The following PYGO1 variants were observed in gnomAD, a reference collection of about 807,000 sequenced individuals.
PYGO1 encodes the protein pygopus family PHD finger 1.
A neutral mutation model predicts 29.5 loss-of-function variants in PYGO1; 6 were observed. The observed-to-expected ratio is 0.20, with a 90% confidence interval of 0.11 to 0.40. The LOEUF (loss-of-function observed/expected upper bound fraction) is 0.40. Among genes scored for constraint, PYGO1 ranks in the 10% least tolerant of loss-of-function variants. The pLI, the probability that PYGO1 is intolerant of heterozygous loss-of-function variation, is 1.00. For missense variants in PYGO1, 515 were observed against 514.9 expected, an observed-to-expected ratio of 1.00 and a Z score of 0.00; for synonymous variants, 186 against 180.5, an observed-to-expected ratio of 1.03 and a Z score of -0.24.
At chr15:55,567,921 G>C (rs970673698) in intron 1 of PYGO1, among the ~76,000 whole-genome samples, 2 of 152,018 alleles carry the variant, frequency 1.3e-5, no homozygotes, top group South Asian at 4.2e-4. Flanking sequence ...TTTATTTCTA[G>C]GTTCTCCATT....
chr15:55,546,606 G>A lies in PYGO1; in HGVS notation c.677C>T (p.Pro226Leu). 6.2e-7 allele frequency: 1 copy of A among 1,613,806 alleles called. No individual in the cohort carries two copies. The highest frequency in any genetic ancestry group is 8.5e-7 in the Non-Finnish European group (1 of 1,179,882). The change falls in exon 3 of 3, where the codon CCA becomes CTA. Residue 226 changes from proline (P) to leucine (L), a missense_variant. Physicochemically the swap from Pro to Leu is moderately conservative, Grantham distance 98 (BLOSUM62 -3). Coordinates refer to ENST00000563719, the MANE Select transcript of PYGO1 (RefSeq NM_001367806.1). ...TGCTTTTGCTTGACCAAAAGTGTTT[G>A]GGGGAGGAATAAAAGAATGATTAGA... Reference protein sequence around the residue: ...LESNHSFIPPPNTFGQAKAPP... With the variant: ...LESNHSFIPPLNTFGQAKAPP...
intron 1 of PYGO1, among the ~76,000 whole-genome samples, chr15:55,554,569 T>C (rs952043811): frequency 6.6e-6 from 1 of 151,430 alleles, no homozygotes; most frequent in East Asian, 1.9e-4. Context: ...TAATAATCAA[T>C]TTCACTGAGT....
intron 1 of PYGO1, among the ~76,000 whole-genome samples, chr15:55,556,675 C>G (rs892933067): frequency 7.1e-6 from 1 of 140,428 alleles, no homozygotes; most frequent in Non-Finnish European, 1.5e-5. Context: ...GACAGAGACA[C>G]AAAAAACCCT....
intron 1 of PYGO1, 37 bp downstream of exon 1, chr15:55,587,798 A>G: frequency 6.8e-7 from 1 of 1,470,378 alleles, no homozygotes; most frequent in Admixed American, 2.2e-5. Flanking sequence ...CACCTCACTC[A>G]CCCCGGTTCC....
chr15:55,583,450 C>T (rs1266990981), intron 1 of PYGO1, among the ~76,000 whole-genome samples: 1 of 150,816 alleles, frequency 6.6e-6, no homozygotes, highest in Non-Finnish European at 1.5e-5. Flanking sequence ...TGTCTACCAT[C>T]AAGCTTCTTT....
At chr15:55,585,929 A>T (rs1053953784) in intron 1 of PYGO1, among the ~76,000 whole-genome samples, 20 of 152,220 alleles carry the variant, frequency 1.3e-4, no homozygotes, top group African/African-American at 4.8e-4. Flanking sequence ...AAACAGAAAA[A>T]GACAATTAAA....
At chr15:55,556,928 C>A (rs1427010873) in intron 1 of PYGO1, among the ~76,000 whole-genome samples, 1 of 151,868 alleles carries the variant, frequency 6.6e-6, no homozygotes, top group Non-Finnish European at 1.5e-5. Flanking sequence ...CACATACATC[C>A]TCCCAAGACT....
At chr15:55,548,385 G>A (rs17238332) in intron 2 of PYGO1, among the ~76,000 whole-genome samples, 57,297 of 151,430 alleles carry the variant, frequency 0.38, 13,960 homozygotes, top group Non-Finnish European at 0.55. Flanking sequence ...CCTATAGTCT[G>A]ACAATAGCCA....
intron 1 of PYGO1, among the ~76,000 whole-genome samples, chr15:55,557,328 C>T (rs28856593): frequency 0.028 from 4,315 of 152,024 alleles, 199 homozygotes; most frequent in African/African-American, 0.099. Context: ...CAATAACAGG[C>T]TCTGAAATTG....
At chr15:55,575,200 C>T (rs959434242) in intron 1 of PYGO1, among the ~76,000 whole-genome samples, 14 of 152,212 alleles carry the variant, frequency 9.2e-5, no homozygotes, top group Middle Eastern at 3.4e-3. Flanking sequence ...AAGATTACCA[C>T]AAAAGTGTGT....
At chr15:55,584,664 T>C (rs1434069158) in intron 1 of PYGO1, among the ~76,000 whole-genome samples, 1 of 152,196 alleles carries the variant, frequency 6.6e-6, no homozygotes, top group Non-Finnish European at 1.5e-5. Context: ...CATTCATTCA[T>C]TTGACATTTA....
intron 1 of PYGO1, among the ~76,000 whole-genome samples, chr15:55,574,013 A>C (rs139617956): frequency 6.6e-6 from 1 of 152,332 alleles, no homozygotes; most frequent in East Asian, 1.9e-4. Flanking sequence ...ATATCAAGCA[A>C]TTCAGCTTTT....
intron 2 of PYGO1, among the ~76,000 whole-genome samples, chr15:55,547,547 A>T (rs933002976): frequency 5.3e-5 from 8 of 152,236 alleles, no homozygotes; most frequent in African/African-American, 1.9e-4. Flanking sequence ...CCAAACAGTC[A>T]TAAAGTTAAA....
intron 1 of PYGO1, among the ~76,000 whole-genome samples, chr15:55,560,443 A>T (rs766478340): frequency 5.3e-5 from 8 of 152,100 alleles, no homozygotes; most frequent in Non-Finnish European, 1.2e-4. Flanking sequence ...TGCTAGAGAG[A>T]ATATACTACC....
chr15:55,554,345 T>C (rs981010576), intron 1 of PYGO1, among the ~76,000 whole-genome samples: 4 of 151,896 alleles, frequency 2.6e-5, no homozygotes, highest in African/African-American at 9.7e-5. Context: ...GGTGGGCACC[T>C]GCAGTCCCAG....
chr15:55,586,018 G>A (rs1474434842), intron 1 of PYGO1, among the ~76,000 whole-genome samples: 2 of 152,118 alleles, frequency 1.3e-5, no homozygotes, highest in Non-Finnish European at 2.9e-5. Flanking sequence ...TCTCTTAAAT[G>A]GCTAAGAAAA....
chr15:55,565,697 G>C (rs2058953127), intron 1 of PYGO1, among the ~76,000 whole-genome samples: 1 of 152,052 alleles, frequency 6.6e-6, no homozygotes, highest in Non-Finnish European at 1.5e-5. Context: ...CCTGGTGACA[G>C]AGTGAGACTC....
At chr15:55,568,783 AG>A (rs2058968180) in intron 1 of PYGO1, among the ~76,000 whole-genome samples, 1 of 152,014 alleles carries the variant, frequency 6.6e-6, no homozygotes, top group African/African-American at 2.4e-5. Context: ...TAGTTTGCTG[AG>A]GGTTTTTATC....
intron 1 of PYGO1, among the ~76,000 whole-genome samples, chr15:55,567,172 A>G (rs1455674449): frequency 1.6e-5 from 2 of 127,752 alleles, no homozygotes; most frequent in Admixed American, 8.4e-5. Flanking sequence ...CTTTTGAGAA[A>G]TATCTGTTCC....
Sources: allele counts gnomAD v4.1 joint callset (sites outside exome capture counted in the v4.1 genomes callset), GRCh38; gene constraint gnomAD v4.1.1; transcripts MANE v1.5; gene names NCBI Gene and HGNC (gene_info 2026-07-23, HGNC 2026-07-21).